SPECC1L: variants seen among roughly 807,000 people sequenced by gnomAD.
The protein encoded by SPECC1L is cytospin-A.
Under a neutral mutation model 116.8 loss-of-function variants are expected in SPECC1L, and 40 were observed. The ratio of observed to expected loss-of-function variants is 0.34; its 90% confidence interval spans 0.27 to 0.45. The LOEUF (loss-of-function observed/expected upper bound fraction) is 0.45, where lower values mean the gene tolerates loss of function less well. Ranked by LOEUF, SPECC1L falls within the 20% of genes least tolerant of loss-of-function variation. The pLI is 1.00. For missense variants in SPECC1L, 1,110 were observed against 1,373.6 expected, an observed-to-expected ratio of 0.81 and a Z score of 3.03; for synonymous variants, 504 against 500.6, an observed-to-expected ratio of 1.01 and a Z score of -0.09.
At position 24,270,996 on chromosome 22, in the gene SPECC1L, G is replaced by A. The variant is rs1055876477; in HGVS notation, c.-142+13G>A. 6.6e-6 allele frequency: 1 copy of A among 152,320 alleles called. No homozygotes were observed. Among genetic ancestry groups the A allele is most frequent in the Non-Finnish European group, 1.5e-5 (1 of 68,116 alleles). 9.4% of individuals were successfully genotyped at this position (152,320 alleles called of 1,614,324 possible). ...GCGGTGCAGCGCGGTAAGAGCAGCA[G>A]CCGGGTTCCCGCAGTGTTCGCTGGC... On this transcript the variant is annotated intron_variant, in intron 1 of 16. Coordinates refer to ENST00000314328, the MANE Select transcript of SPECC1L (RefSeq NM_015330.6).
At chr22:24,339,986 C>T (rs1465403665) in intron 10 of SPECC1L, among the ~76,000 whole-genome samples, 1 of 152,060 alleles carries the variant, frequency 6.6e-6, no homozygotes, top group East Asian at 1.9e-4. Context: ...GGTTCTGCCA[C>T]GTTGCCCAGG....
At chr22:24,371,734 G>A (rs1471822833) in intron 14 of SPECC1L, among the ~76,000 whole-genome samples, 13 of 152,012 alleles carry the variant, frequency 8.6e-5, no homozygotes, top group African/African-American at 3.1e-4. Context: ...TTGATTGATC[G>A]ATTGAGAGAC....
At position 24,281,246 on chromosome 22, in the gene SPECC1L, A is replaced by G. The variant is rs187740523; in HGVS notation, c.-38+4443A>G. On this transcript the variant is annotated intron_variant, in intron 2 of 16. Coordinates refer to ENST00000314328, the MANE Select transcript of SPECC1L (RefSeq NM_015330.6). Reference sequence around the variant, plus strand: ...AAAGTAGAGAGAAAAATGTAGTGAAATACCAAGTGATGTATTTATCACCTA... The same window carrying G: ...AAAGTAGAGAGAAAAATGTAGTGAAGTACCAAGTGATGTATTTATCACCTA... Among the ~76,000 whole-genome samples, 71 of 152,344 alleles carry G rather than the reference A, an allele frequency of 4.7e-4. 1 individual carries two copies. In the East Asian group the frequency reaches 0.012, roughly 25 times the overall value.
chr22:24,344,605 AAAAAAG>A (rs1217378782), intron 10 of SPECC1L, among the ~76,000 whole-genome samples: 6,083 of 151,446 alleles, frequency 0.04, 389 homozygotes, highest in African/African-American at 0.14. Flanking sequence ...AAAAAAAAAA[AAAAAAG>A]AAAGAAAAGC....
chr22:24,302,930 CGATGAT>C (rs75972989), intron 3 of SPECC1L, among the ~76,000 whole-genome samples: 131 of 151,740 alleles, frequency 8.6e-4, no homozygotes, highest in Non-Finnish European at 1.4e-3. Flanking sequence ...AGCTGGTCCA[CGATGAT>C]GATGATGATG....
In SPECC1L at chr22:24,415,015, C is replaced by A; in HGVS notation, c.*392C>A. On this transcript the variant is annotated 3_prime_UTR_variant, in exon 17 of 17. Transcript: ENST00000314328. ...AAACTCACTAGGGTTGATGAAGGCTCGGCCGCGGCACTTCCTGACTATTGG... is the reference window on the plus strand; with the variant it reads ...AAACTCACTAGGGTTGATGAAGGCTAGGCCGCGGCACTTCCTGACTATTGG... 1 of 259,382 alleles carries A rather than the reference C, an allele frequency of 3.9e-6. No homozygotes were observed. The highest frequency in any genetic ancestry group is 7.7e-6 in the Non-Finnish European group (1 of 129,304). 16.1% of individuals were successfully genotyped at this position (259,382 alleles called of 1,614,324 possible). A position where few individuals can be genotyped will look rare whatever the true frequency, so the allele number is the denominator to read the frequency against.
At position 24,382,593 on chromosome 22, in the gene SPECC1L, C is replaced by T. The variant is rs149339114; in HGVS notation, c.3087+13273C>T. Among the ~76,000 whole-genome samples the T allele has an allele frequency of 2.7e-5, 4 of 149,318 alleles. No individual in the cohort carries two copies. The East Asian group carries it at 8.0e-4, about 30-fold the overall frequency. ...TGACGGGCGACTGTAGTTCCAGCTA[C>T]TTGGGAGGCTGAGGCAAGAGAATGG... On this transcript the variant is annotated intron_variant, in intron 14 of 16. Transcript: ENST00000314328.
intron 9 of SPECC1L, 47 bp from the exon 10 acceptor site, chr22:24,338,339 C>T (rs767601603): frequency 3.2e-6 from 5 of 1,583,934 alleles, no homozygotes; most frequent in Non-Finnish European, 4.3e-6. Context: ...AGTTAAGCTT[C>T]CACTGTACAG....
chr22:24,342,984 G>A (rs2041210402), intron 10 of SPECC1L, among the ~76,000 whole-genome samples: 1 of 152,096 alleles, frequency 6.6e-6, no homozygotes, highest in African/African-American at 2.4e-5. Context: ...CCTGAGCTCA[G>A]GAGTTTGAAA....
chr22:24,412,236 C>A (rs914909960), intron 15 of SPECC1L: 6 of 362,440 alleles, frequency 1.7e-5, no homozygotes, highest in African/African-American at 1.3e-4. Context: ...AGGATCCAGG[C>A]CCGCAGCCCC....
At chr22:24,305,130 A>C (rs888273419) in intron 3 of SPECC1L, among the ~76,000 whole-genome samples, 1 of 152,236 alleles carries the variant, frequency 6.6e-6, no homozygotes, top group African/African-American at 2.4e-5. Flanking sequence ...GTAAAAGGTA[A>C]GTTGGAAAAT....
chr22:24,354,604 C>T (rs1004754508), intron 11 of SPECC1L, among the ~76,000 whole-genome samples: 3 of 151,898 alleles, frequency 2.0e-5, no homozygotes, highest in Non-Finnish European at 4.4e-5. Context: ...ATGCTCCAGC[C>T]TATCTTGGTT....
chr22:24,313,419 C>T lies in SPECC1L; in HGVS notation c.260C>T (p.Ser87Phe), dbSNP rs199815517. The change falls in exon 4 of 17, where the codon TCT becomes TTT. Residue 87 changes from serine to phenylalanine, a missense_variant. Physicochemically the swap from Ser to Phe is radical, Grantham distance 155. Coordinates refer to ENST00000314328, the MANE Select transcript of SPECC1L (RefSeq NM_015330.6). ...TGCCCATCTGCAGCACCTTCAGCAT[C>T]TGCCCCTGCCATGACCACCGTGGAG... ...STCPSAAPSA[S>F]APAMTTVENK... 3 of 1,614,142 alleles carry T rather than the reference C, an allele frequency of 1.9e-6. No individual in the cohort carries two copies. The highest frequency in any genetic ancestry group is 2.5e-6 in the Non-Finnish European group (3 of 1,180,036).
intron 14 of SPECC1L, among the ~76,000 whole-genome samples, chr22:24,384,894 G>GT (rs2042131329): frequency 6.6e-6 from 1 of 152,044 alleles, no homozygotes; most frequent in Non-Finnish European, 1.5e-5. Flanking sequence ...GGCTAACATA[G>GT]TGAAACCCCG....
At chr22:24,387,267 C>T (rs1049338467) in intron 14 of SPECC1L, among the ~76,000 whole-genome samples, 2 of 152,198 alleles carry the variant, frequency 1.3e-5, no homozygotes, top group African/African-American at 4.8e-5. Flanking sequence ...ATGAATCTCA[C>T]ACATGTAATA....
intron 2 of SPECC1L, among the ~76,000 whole-genome samples, chr22:24,278,512 A>G (rs2048879761): frequency 6.6e-6 from 1 of 152,192 alleles, no homozygotes; most frequent in Admixed American, 6.5e-5. Context: ...ATATAAATAT[A>G]CCATTCATTC....
intron 10 of SPECC1L, among the ~76,000 whole-genome samples, chr22:24,343,119 G>A (rs1418502529): frequency 1.3e-5 from 2 of 151,824 alleles, no homozygotes; most frequent in African/African-American, 4.8e-5. Flanking sequence ...ACTTTAACCC[G>A]GGAGGCAGAG....
intron 2 of SPECC1L, among the ~76,000 whole-genome samples, chr22:24,297,508 T>TA (rs1258049551): frequency 1.3e-5 from 2 of 152,200 alleles, no homozygotes; most frequent in Admixed American, 1.3e-4. Context: ...GATGTTTATA[T>TA]ATATAGTATA....
At chr22:24,343,077 C>T (rs1328765137) in intron 10 of SPECC1L, among the ~76,000 whole-genome samples, 2 of 151,982 alleles carry the variant, frequency 1.3e-5, no homozygotes, top group Non-Finnish European at 2.9e-5. Context: ...GCCTGTAGTC[C>T]CAGCTACTTG....
Sources: allele counts gnomAD v4.1 joint callset (sites outside exome capture counted in the v4.1 genomes callset), GRCh38; gene constraint gnomAD v4.1.1; transcripts MANE v1.5; gene names NCBI Gene and HGNC (gene_info 2026-07-23, HGNC 2026-07-21).